The following CACNA2D3 variants were observed in gnomAD, a reference collection of about 807,000 sequenced individuals.
The protein encoded by CACNA2D3 is voltage-dependent calcium channel subunit alpha-2/delta-3.
CACNA2D3 carries 60 observed loss-of-function variants against 160.6 expected under a neutral mutation model. The ratio of observed to expected loss-of-function variants is 0.37; its 90% CI spans 0.30 to 0.46. CACNA2D3 has a LOEUF of 0.46. Among genes scored for constraint, CACNA2D3 ranks in the 20% least tolerant of loss-of-function variants. The probability of loss-of-function intolerance (pLI) is 1.00; values close to 1 mark genes in which losing one functional copy is unlikely to be tolerated. For missense variants in CACNA2D3, 1,205 were observed against 1,365.0 expected, an observed-to-expected ratio of 0.88 and a Z score of 1.85; for synonymous variants, 558 against 492.9, an observed-to-expected ratio of 1.13 and a Z score of -1.75.
intron 11 of CACNA2D3, among the ~76,000 whole-genome samples, chr3:54,739,765 G>A (rs928133857): frequency 1.6e-5 from 2 of 126,558 alleles, no homozygotes; most frequent in East Asian, 2.0e-4. Context: ...GTGTGTGTGT[G>A]TGTGTGTGTG....
At chr3:54,329,760 A>G (rs1437840236) in intron 3 of CACNA2D3, among the ~76,000 whole-genome samples, 3 of 152,198 alleles carry the variant, frequency 2.0e-5, no homozygotes, top group Non-Finnish European at 2.9e-5. Flanking sequence ...TAATAATAAT[A>G]ATAATGATAA....
At chr3:54,918,979 G>T in intron 27 of CACNA2D3, 2 of 1,105,498 alleles carry the variant, frequency 1.8e-6, no homozygotes, top group Middle Eastern at 3.2e-4. Context: ...TTAGGCAGAT[G>T]GAATTTATGA....
At chr3:55,031,245 C>T (rs560693993) in intron 35 of CACNA2D3, among the ~76,000 whole-genome samples, 1 of 152,316 alleles carries the variant, frequency 6.6e-6, no homozygotes, top group East Asian at 1.9e-4. Context: ...TCTATCCCTA[C>T]CTCAAAGAGC....
intron 5 of CACNA2D3, among the ~76,000 whole-genome samples, chr3:54,513,034 G>T (rs1270477142): frequency 6.6e-6 from 1 of 151,978 alleles, no homozygotes; most frequent in Non-Finnish European, 1.5e-5. Context: ...GAACAGCATG[G>T]GAAAAACCTG....
At chr3:55,003,351 C>A (rs1309216798) in intron 31 of CACNA2D3, among the ~76,000 whole-genome samples, 2 of 152,142 alleles carry the variant, frequency 1.3e-5, no homozygotes, top group Non-Finnish European at 2.9e-5. Context: ...ACCTTTCAAG[C>A]ATGGGATAAG....
chr3:54,810,270 G>T lies in CACNA2D3; in HGVS notation c.1381-6583G>T, dbSNP rs540874878. On this transcript the variant is annotated intron_variant, in intron 13 of 37. Transcript: ENST00000474759. ...TGTAAAGGAAGGATTGGATTGGAGG[G>T]CTGGAGTGAACCTGGAGAGACCAGA... 6.6e-5 allele frequency among the ~76,000 whole-genome samples: 10 copies of T among 152,310 alleles called. No individual in the cohort carries two copies. The South Asian group carries it at 2.1e-3, about 32-fold the overall frequency.
At chr3:54,922,977 A>C (rs1700897219) in intron 27 of CACNA2D3, among the ~76,000 whole-genome samples, 1 of 152,166 alleles carries the variant, frequency 6.6e-6, no homozygotes, top group Non-Finnish European at 1.5e-5. Context: ...TCAGTATTCC[A>C]AGTATCTCCC....
intron 3 of CACNA2D3, among the ~76,000 whole-genome samples, chr3:54,365,217 C>A (rs541459590): frequency 2.0e-5 from 3 of 152,226 alleles, no homozygotes; most frequent in Non-Finnish European, 4.4e-5. Flanking sequence ...TTTGCTGAAT[C>A]TTTAGTCAAC....
intron 2 of CACNA2D3, among the ~76,000 whole-genome samples, chr3:54,196,946 A>G (rs543627985): frequency 4.6e-5 from 7 of 152,350 alleles, no homozygotes; most frequent in South Asian, 2.1e-4. Context: ...ATGAGATCCA[A>G]TGTAAAACGT....
intron 2 of CACNA2D3, among the ~76,000 whole-genome samples, chr3:54,173,934 G>A (rs71301872): frequency 1.1e-3 from 173 of 152,324 alleles, no homozygotes; most frequent in Non-Finnish European, 1.9e-3. Flanking sequence ...GGACCCACTG[G>A]GGGATGGTTT....
intron 13 of CACNA2D3, among the ~76,000 whole-genome samples, chr3:54,792,566 T>G (rs1702781912): frequency 6.6e-6 from 1 of 152,138 alleles, no homozygotes; most frequent in African/African-American, 2.4e-5. Context: ...TGGCTCTGTT[T>G]TCCTCTGTGT....
chr3:54,575,142 T>C (rs2106728422), intron 8 of CACNA2D3, among the ~76,000 whole-genome samples: 1 of 152,340 alleles, frequency 6.6e-6, no homozygotes, highest in Middle Eastern at 3.4e-3. Flanking sequence ...ATAATGTGTG[T>C]TCATCTGCTT....
At chr3:54,640,744 TACTG>T (rs530025693) in intron 10 of CACNA2D3, among the ~76,000 whole-genome samples, 20 of 152,348 alleles carry the variant, frequency 1.3e-4, no homozygotes, top group African/African-American at 4.6e-4. Flanking sequence ...ATTGTCATGT[TACTG>T]ACTTTCTCCC....
chr3:54,860,490 C>A (rs1477329593), intron 17 of CACNA2D3, among the ~76,000 whole-genome samples: 1 of 152,080 alleles, frequency 6.6e-6, no homozygotes, highest in Non-Finnish European at 1.5e-5. Context: ...GGGTTGGACT[C>A]CCAAGTTAAT....
intron 14 of CACNA2D3, among the ~76,000 whole-genome samples, chr3:54,828,834 G>A (rs192083754): frequency 1.3e-5 from 2 of 152,312 alleles, no homozygotes; most frequent in African/African-American, 4.8e-5. Context: ...AAGTAATAAT[G>A]ATTCAGTAAG....
At chr3:54,186,376 A>T (rs1462078097) in intron 2 of CACNA2D3, among the ~76,000 whole-genome samples, 1 of 152,190 alleles carries the variant, frequency 6.6e-6, no homozygotes, top group Non-Finnish European at 1.5e-5. Context: ...CATCCTCCCA[A>T]GATATATGCA....
intron 2 of CACNA2D3, among the ~76,000 whole-genome samples, chr3:54,299,770 T>C (rs186852647): frequency 2.0e-5 from 3 of 152,314 alleles, no homozygotes; most frequent in East Asian, 3.9e-4. Context: ...GGAGACATTA[T>C]AGAATGAAAT....
At chr3:54,804,155 C>G (rs1191808660) in intron 13 of CACNA2D3, among the ~76,000 whole-genome samples, 1 of 151,610 alleles carries the variant, frequency 6.6e-6, no homozygotes, top group Non-Finnish European at 1.5e-5. Flanking sequence ...AACTAATGAG[C>G]AAAATAACCA....
At chr3:54,418,285 A>G (rs145791685) in intron 4 of CACNA2D3, among the ~76,000 whole-genome samples, 2 of 152,274 alleles carry the variant, frequency 1.3e-5, no homozygotes, top group East Asian at 1.9e-4. Context: ...TTCATAATCT[A>G]TCCTTCTTCC....
Sources: gnomAD v4.1 joint callset for allele counts (sites outside exome capture counted in the v4.1 genomes callset) on GRCh38, gnomAD v4.1.1 for gene constraint, MANE v1.5 for transcripts, NCBI Gene and HGNC (gene_info 2026-07-23, HGNC 2026-07-21) for gene names.